The following PSTK variants were observed in gnomAD, a reference collection of about 807,000 sequenced individuals.
The protein encoded by PSTK is phosphoseryl-tRNA kinase, also known as L-seryl-tRNA(Sec) kinase.
A neutral mutation model predicts 38.6 loss-of-function variants in PSTK; 26 were observed. The observed-to-expected ratio is 0.67, with a 90% CI of 0.49 to 0.94. The LOEUF is 0.94. Among genes scored for constraint, PSTK ranks in the 40% least tolerant of loss-of-function variants. The probability of loss-of-function intolerance (pLI) is 0.00; values close to 1 mark genes in which losing one functional copy is unlikely to be tolerated. For synonymous variants in PSTK, 181 were observed against 161.7 expected (o/e 1.12, Z -0.91); for missense variants, 445 against 436.3 (o/e 1.02, Z -0.18).
chr10:122,989,622 AAC>A (rs1564732340), intron 5 of PSTK, among the ~76,000 whole-genome samples: 1 of 152,232 alleles, frequency 6.6e-6, no homozygotes, highest in Non-Finnish European at 1.5e-5. Context: ...ATATAAAAAA[AAC>A]ACTGTATCAT....
Position 122,989,424 on chromosome 10 carries a change from G to A in PSTK, c.878-750G>A, listed in dbSNP as rs141624721. Among the ~76,000 whole-genome samples, 1,167 of 152,112 alleles carry A rather than the reference G, an allele frequency of 7.7e-3. 14 individuals carry two copies. Among genetic ancestry groups the A allele is most frequent in the African/African-American group, 0.027 (1,114 of 41,488 alleles). On this transcript the variant is annotated intron_variant, in intron 5 of 5. Transcript: ENST00000406217. ...GTGCCACCATGCCCCGCTAATTTTT[G>A]TATTTTTAGTAGAGGAGGGGTTTCA...
At position 122,990,350 on chromosome 10, in the gene PSTK, A is replaced by G. The variant is rs1280019761; in HGVS notation, c.1054A>G (p.Lys352Glu). 1 of 1,462,790 alleles carries G rather than the reference A, an allele frequency of 6.8e-7. No individual in the cohort carries two copies. Among genetic ancestry groups the G allele is most frequent in the Admixed American group, 2.9e-5 (1 of 33,984 alleles). 90.6% of individuals were successfully genotyped at this position (1,462,790 alleles called of 1,614,324 possible). A position where few individuals can be genotyped will look rare whatever the true frequency, so the allele number is the denominator to read the frequency against. ...FHYEKDNIVQ[K>E]YFSKQH ...TTATGAGAAAGATAATATTGTACAG[A>G]AGTATTTTTCAAAGCAGCATTAAAA... Residue 352 changes from lysine (K) to glutamate (E), a missense_variant, in exon 6 of 6, where the codon AAG (lysine) becomes GAG (glutamate). Coordinates refer to ENST00000406217, the MANE Select transcript of PSTK (RefSeq NM_001363531.2).
Position 122,982,929 on chromosome 10 carries a change from C to A in PSTK, c.413C>A (p.Thr138Lys). Residue 138 changes from threonine to lysine, a missense_variant, in exon 2 of 6, where the codon ACA (threonine) becomes AAA (lysine). Coordinates refer to ENST00000406217, the MANE Select transcript of PSTK (RefSeq NM_001363531.2). ...AFEAQSCYLL[T>K]KTAVSRPLFL... The stretch of plus-strand genomic sequence containing the variant: ...GAGGCCCAGTCTTGCTACCTCTTAA[C>A]AAAAACTGCTGTTTCTAGACCTTTG... 1 of 1,614,164 alleles carries A rather than the reference C, an allele frequency of 6.2e-7. No homozygotes were observed. The highest frequency in any genetic ancestry group is 8.5e-7 in the Non-Finnish European group (1 of 1,179,994).
At chr10:122,985,324 T>C (rs1316173518) in intron 3 of PSTK, 1 of 152,262 alleles carries the variant, frequency 6.6e-6, no homozygotes, top group Non-Finnish European at 1.5e-5. Flanking sequence ...TTAGTTGGGC[T>C]ACCCTGTCAC....
intron 3 of PSTK, 159 bp downstream of exon 3, chr10:122,983,629 TG>T (rs1489022326): frequency 3.1e-6 from 2 of 653,956 alleles, no homozygotes; most frequent in Non-Finnish European, 5.1e-6. Flanking sequence ...AAATTTAGTT[TG>T]TCCAGAAAGA....
In PSTK at chr10:122,990,204, T is replaced by G; in HGVS notation, c.908T>G (p.Leu303Arg). ...CAAGTGCTTCCTCACAACTTGAAGC[T>G]TCTAGCAGAAGAACTTAACAAGCTC... ...DEQVLPHNLK[L>R]LAEELNKLKA... The change falls in exon 6 of 6, where the codon CTT becomes CGT. Residue 303 changes from leucine to arginine, a missense_variant. Leu to Arg is a moderately radical substitution (Grantham distance 102). Coordinates refer to ENST00000406217, the MANE Select transcript of PSTK (RefSeq NM_001363531.2). 1 of 1,527,788 alleles carries G rather than the reference T, an allele frequency of 6.5e-7. No homozygotes were observed. Among genetic ancestry groups the G allele is most frequent in the Non-Finnish European group, 8.8e-7 (1 of 1,141,028 alleles). The allele number at this position is 1,527,788 out of a possible 1,614,324, so 94.6% of individuals were successfully genotyped here. A position where few individuals can be genotyped will look rare whatever the true frequency, so the allele number is the denominator to read the frequency against.
chr10:122,987,348 T>C, intron 5 of PSTK: 1 of 1,614,022 alleles, frequency 6.2e-7, no homozygotes, highest in Middle Eastern at 1.6e-4. Context: ...TCAGGAAGCC[T>C]TCTCAGAGAT....
intron 3 of PSTK, 85 bp downstream of exon 3, chr10:122,983,555 C>A (rs2133356439): frequency 1.7e-6 from 2 of 1,167,780 alleles, no homozygotes; most frequent in Non-Finnish European, 2.5e-6. Flanking sequence ...TTTAGTTAGT[C>A]CTCACACAGG....
chr10:122,984,297 AT>A (rs371798231), intron 3 of PSTK: 2 of 152,062 alleles, frequency 1.3e-5, no homozygotes, highest in Non-Finnish European at 2.9e-5. Context: ...AGCCCAGCTA[AT>A]TTTTTAATTT....
At chr10:122,983,676 A>C in intron 3 of PSTK, 1 of 571,430 alleles carries the variant, frequency 1.7e-6, no homozygotes, top group Non-Finnish European at 3.1e-6. Context: ...GTCTGCTCAT[A>C]ACTGTTACGA....
At chr10:122,988,406 T>TTA (rs960034623) in intron 5 of PSTK, among the ~76,000 whole-genome samples, 1 of 151,914 alleles carries the variant, frequency 6.6e-6, no homozygotes, top group Non-Finnish European at 1.5e-5. Context: ...TATACATATA[T>TTA]TATATATATT....
At chr10:122,989,187 GGGGGTGGGC>G (rs202154315) in intron 5 of PSTK, among the ~76,000 whole-genome samples, 4,030 of 132,706 alleles carry the variant, frequency 0.03, 111 homozygotes, top group East Asian at 0.094. Flanking sequence ...ATGGGGGGCG[GGGGGTGGGC>G]GGGGTGGGCA....
intron 5 of PSTK, chr10:122,987,198 T>TG (rs1464148714): frequency 7.9e-7 from 1 of 1,266,324 alleles, no homozygotes; most frequent in African/African-American, 1.5e-5. Flanking sequence ...CTCTAGATGC[T>TG]GGGGAATCGG....
Position 122,990,181 on chromosome 10 carries a change from A to G in PSTK, c.885A>G (p.Gln295=). The G allele has an allele frequency of 6.6e-7, 1 of 1,517,878 alleles. No homozygotes were observed. The highest frequency in any genetic ancestry group is 8.8e-7 in the Non-Finnish European group (1 of 1,137,066). The allele number at this position is 1,517,878 out of a possible 1,614,324, so 94.0% of individuals were successfully genotyped here. Residue 295 remains glutamine, a synonymous_variant, in exon 6 of 6, where the codon CAA becomes CAG. Transcript: ENST00000406217. ...AATATCTTTTTATTTTAGATGAACA[A>G]GTGCTTCCTCACAACTTGAAGCTTC... The part of the protein sequence containing the change: ...SQTMKEAKDE[Q]VLPHNLKLLA...
In PSTK at chr10:122,982,725, T is replaced by G; in HGVS notation, c.217-8T>G. 2 of 1,612,810 alleles carry G rather than the reference T, an allele frequency of 1.2e-6. No individual in the cohort carries two copies. Among genetic ancestry groups the G allele is most frequent in the Non-Finnish European group, 1.7e-6 (2 of 1,179,022 alleles). On this transcript the variant is annotated splice_region_variant and splice_polypyrimidine_tract_variant and intron_variant, in intron 1 of 5. Coordinates refer to ENST00000406217, the MANE Select transcript of PSTK (RefSeq NM_001363531.2). ...TAATATGAATTGCAATTCTTTGGTCTCTTGTAGCCATCCCAATGGAAATTG... is the reference window on the plus strand; with the variant it reads ...TAATATGAATTGCAATTCTTTGGTCGCTTGTAGCCATCCCAATGGAAATTG...
chr10:122,983,568 T>C, intron 3 of PSTK, 98 bp downstream of exon 3: 1 of 1,001,346 alleles, frequency 1.0e-6, no homozygotes, highest in South Asian at 1.6e-5. Context: ...CACACAGGCA[T>C]TGGAGAGACA....
At chr10:122,989,471 C>T (rs541971928) in intron 5 of PSTK, among the ~76,000 whole-genome samples, 23 of 152,196 alleles carry the variant, frequency 1.5e-4, no homozygotes, top group Middle Eastern at 3.4e-3. Context: ...AGTCTGGTCT[C>T]GAACGCCCGA....
chr10:122,980,423 G>A lies in PSTK; in HGVS notation c.-57G>A. On this transcript the variant is annotated 5_prime_UTR_variant, in exon 1 of 6. Transcript: ENST00000406217. This position sits in a 1 kb window ranked among gnomAD's most constrained non-coding sequence, Gnocchi z 4.3. ...GGCGGAGACGCTGCGCGTGCGCGCA[G>A]GGCAGACGGTAGAGCGGAGACGACG... 5 of 1,484,372 alleles carry A rather than the reference G, an allele frequency of 3.4e-6. No homozygotes were observed. Among genetic ancestry groups the A allele is most frequent in the Non-Finnish European group, 4.5e-6 (5 of 1,115,258 alleles). 92.0% of individuals were successfully genotyped at this position (1,484,372 alleles called of 1,614,324 possible). A position where few individuals can be genotyped will look rare whatever the true frequency, so the allele number is the denominator to read the frequency against.
At position 122,980,755 on chromosome 10, in the gene PSTK, C is replaced by CGGGGA. The variant is rs1297654843; in HGVS notation, c.216+61_216+65dup. Reference sequence around the variant, plus strand: ...CGGGGCGGGGCGGGGCGGGGCGGGGCGGGGACACTCGCGTCCACGCGGTCC... The same window carrying CGGGGA: ...CGGGGCGGGGCGGGGCGGGGCGGGGCGGGGAGGGGACACTCGCGTCCACGCGGTCC... On this transcript the variant is annotated intron_variant, in intron 1 of 5. Coordinates refer to ENST00000406217, the MANE Select transcript of PSTK (RefSeq NM_001363531.2). This position sits in a 1 kb window ranked among gnomAD's most constrained non-coding sequence, Gnocchi z 4.3. 4.0e-4 allele frequency: 143 copies of CGGGGA among 354,412 alleles called. No homozygotes were observed. Among genetic ancestry groups the CGGGGA allele is most frequent in the Non-Finnish European group, 5.4e-4 (136 of 250,866 alleles). The allele number at this position is 354,412 out of a possible 1,614,324, so 22.0% of individuals were successfully genotyped here.
Sources: allele counts gnomAD v4.1 joint callset (sites outside exome capture counted in the v4.1 genomes callset), GRCh38; gene constraint gnomAD v4.1.1; non-coding constraint Gnocchi (gnomAD v3.1); transcripts MANE v1.5; gene names NCBI Gene and HGNC (gene_info 2026-07-23, HGNC 2026-07-21).